The following SOX30 variants were observed in gnomAD, a reference collection of about 807,000 sequenced individuals.
SOX30 encodes transcription factor SOX-30.
SOX30 carries 17 observed loss-of-function variants against 58.6 expected under a neutral mutation model. The observed-to-expected ratio is 0.29, with a 90% CI of 0.20 to 0.44. SOX30 has a LOEUF of 0.44. SOX30 is among the 20% of genes least tolerant of loss of function. The probability of loss-of-function intolerance (pLI) is 1.00; values close to 1 mark genes in which losing one functional copy is unlikely to be tolerated. For synonymous variants in SOX30, 421 were observed against 400.2 expected (o/e 1.05, Z -0.62); for missense variants, 951 against 965.8 (o/e 0.98, Z 0.20).
At chr5:157,656,896 A>G (rs1204684657), upstream of SOX30, among the ~76,000 whole-genome samples, 2 of 152,210 alleles carry the variant, frequency 1.3e-5, no homozygotes, top group African/African-American at 4.8e-5. Context: ...AGGGGTATTC[A>G]GTTTTTCTAT....
intron 2 of SOX30, among the ~76,000 whole-genome samples, chr5:157,663,656 T>G (rs1227003459): frequency 2.0e-5 from 3 of 152,176 alleles, no homozygotes; most frequent in African/African-American, 4.8e-5. Context: ...AAAGAGGAAG[T>G]CAAATTGTCC....
chr5:157,633,826 T>C (rs1274835710), intron 4 of SOX30, among the ~76,000 whole-genome samples: 3 of 152,204 alleles, frequency 2.0e-5, no homozygotes, highest in Non-Finnish European at 4.4e-5. Context: ...AGATAGTAAA[T>C]CCCCATTTGT....
chr5:157,655,969 G>A (rs772290701), upstream of SOX30, among the ~76,000 whole-genome samples: 2 of 152,168 alleles, frequency 1.3e-5, no homozygotes, highest in Non-Finnish European at 2.9e-5. Flanking sequence ...CCAGCAAACT[G>A]GTCAGTTAAA....
intron 3 of SOX30, among the ~76,000 whole-genome samples, chr5:157,639,140 A>T (rs999938457): frequency 5.9e-5 from 9 of 152,144 alleles, no homozygotes; most frequent in Non-Finnish European, 1.2e-4. Flanking sequence ...ATATACATTT[A>T]AAAATAATAA....
At position 157,652,251 on chromosome 5, in the gene SOX30, G is replaced by A; in HGVS notation, c.-173C>T. On this transcript the variant is annotated 5_prime_UTR_variant, in exon 1 of 5. Coordinates refer to ENST00000265007, the MANE Select transcript of SOX30 (RefSeq NM_178424.2). The stretch of plus-strand genomic sequence containing the variant: ...CCAATCACAACGACCGATACCCGTG[G>A]ACGGCCAATCACAGGCGGGTTTTCC... 2.4e-6 allele frequency: 3 copies of A among 1,260,082 alleles called. No homozygotes were observed. Among genetic ancestry groups the A allele is most frequent in the African/African-American group, 1.5e-5 (1 of 64,642 alleles). 78.1% of individuals were successfully genotyped at this position (1,260,082 alleles called of 1,614,324 possible). A position where few individuals can be genotyped will look rare whatever the true frequency, so the allele number is the denominator to read the frequency against.
chr5:157,642,324 A>G (rs531003154), intron 3 of SOX30, among the ~76,000 whole-genome samples: 2 of 152,172 alleles, frequency 1.3e-5, no homozygotes, highest in African/African-American at 4.8e-5. Flanking sequence ...TCAAAAAAAA[A>G]AAAAAAGAAG....
intron 2 of SOX30, among the ~76,000 whole-genome samples, chr5:157,657,671 G>A (rs1224674590): frequency 1.3e-5 from 2 of 152,260 alleles, no homozygotes; most frequent in East Asian, 3.9e-4. Context: ...CTTATCTTTT[G>A]AGCTATTTGC....
intron 2 of SOX30, among the ~76,000 whole-genome samples, chr5:157,664,541 C>CA (rs1332699419): frequency 1.3e-5 from 2 of 152,184 alleles, no homozygotes; most frequent in African/African-American, 4.8e-5. Flanking sequence ...TGGGCAAGGA[C>CA]TTCATGTCTA....
chr5:157,631,751 T>G (rs893651060), intron 4 of SOX30, among the ~76,000 whole-genome samples: 23 of 83,278 alleles, frequency 2.8e-4, no homozygotes, highest in Non-Finnish European at 2.9e-4. Context: ...GGTAACAGAG[T>G]GGGAACTCGT....
At chr5:157,638,176 G>C (rs534889707) in intron 4 of SOX30, 54 bp downstream of exon 4, 3 of 1,473,354 alleles carry the variant, frequency 2.0e-6, no homozygotes, top group Non-Finnish European at 1.8e-6. Context: ...GTTGTCACAG[G>C]TAAAAACTCA....
At chr5:157,641,282 G>T (rs1363147828) in intron 3 of SOX30, among the ~76,000 whole-genome samples, 2 of 152,086 alleles carry the variant, frequency 1.3e-5, no homozygotes, top group African/African-American at 4.8e-5. Flanking sequence ...TACTAAATGT[G>T]AGTGACAGAG....
chr5:157,636,372 T>A lies in SOX30; in HGVS notation c.1880+1858A>T, dbSNP rs12523348. ...ATCTACACCCTTCATATTCTTCTTA[T>A]ATGTAGGAAACATTTTATAAAATTC... On this transcript the variant is annotated intron_variant, in intron 4 of 4. Coordinates refer to ENST00000265007, the MANE Select transcript of SOX30 (RefSeq NM_178424.2). 3.2e-3 allele frequency among the ~76,000 whole-genome samples: 485 copies of A among 152,330 alleles called. 4 individuals are homozygous for A. The highest frequency in any genetic ancestry group is 0.011 in the African/African-American group (449 of 41,566).
chr5:157,664,060 G>T (rs2113859251), intron 2 of SOX30, among the ~76,000 whole-genome samples: 2 of 140,174 alleles, frequency 1.4e-5, no homozygotes, highest in South Asian at 2.4e-4. Context: ...TCCCCATCAA[G>T]CTACCAATGA....
At chr5:157,645,369 G>A (rs10515752) in intron 3 of SOX30, among the ~76,000 whole-genome samples, 25,361 of 152,008 alleles carry the variant, frequency 0.17, 2,454 homozygotes, top group African/African-American at 0.27. Flanking sequence ...GTCTTAGTAG[G>A]TTTAAGAAAG....
At chr5:157,650,655 T>G (rs1759304962) in intron 1 of SOX30, among the ~76,000 whole-genome samples, 2 of 152,346 alleles carry the variant, frequency 1.3e-5, no homozygotes, top group Middle Eastern at 3.4e-3. Context: ...ATTATTCATT[T>G]TTAAAGATAG....
chr5:157,643,800 A>G (rs540749064), intron 3 of SOX30, among the ~76,000 whole-genome samples: 1 of 152,312 alleles, frequency 6.6e-6, no homozygotes, highest in East Asian at 1.9e-4. Context: ...ATTACTTGAA[A>G]CAACAAAAAA....
chr5:157,634,280 C>T (rs1314943558), intron 4 of SOX30, among the ~76,000 whole-genome samples: 1 of 152,198 alleles, frequency 6.6e-6, no homozygotes, highest in African/African-American at 2.4e-5. Flanking sequence ...GTGGCATGAT[C>T]TTGGCTCACT....
At chr5:157,629,599 G>A (rs1040290910) in intron 4 of SOX30, among the ~76,000 whole-genome samples, 1 of 152,208 alleles carries the variant, frequency 6.6e-6, no homozygotes, top group Non-Finnish European at 1.5e-5. Context: ...GCATCATGGT[G>A]TAGGGGGAAA....
intron 4 of SOX30, among the ~76,000 whole-genome samples, chr5:157,631,051 A>T (rs1439058743): frequency 2.5e-5 from 1 of 40,702 alleles, no homozygotes; most frequent in East Asian, 1.4e-3. Flanking sequence ...TATATTTTAT[A>T]TATATATATA....
Sources: gnomAD v4.1 joint callset for allele counts (sites outside exome capture counted in the v4.1 genomes callset) on GRCh38, gnomAD v4.1.1 for gene constraint, MANE v1.5 for transcripts, NCBI Gene and HGNC (gene_info 2026-07-23, HGNC 2026-07-21) for gene names.